Variants in PGR observed in about 807,000 individuals in gnomAD.
The protein encoded by PGR is progesterone receptor, also known as nuclear receptor subfamily 3 group C member 3.
PGR carries 25 observed loss-of-function variants against 76.1 expected under a neutral mutation model. That is an observed-to-expected ratio of 0.33 (90% confidence interval 0.24 to 0.46). The LOEUF (loss-of-function observed/expected upper bound fraction) is 0.46. Ranked by LOEUF, PGR falls within the 20% of genes least tolerant of loss-of-function variation. The pLI is 1.00. For synonymous variants in PGR, 579 were observed against 535.0 expected, an observed-to-expected ratio of 1.08 and a Z score of -1.14; for missense variants, 1,172 against 1,225.3, an observed-to-expected ratio of 0.96 and a Z score of 0.65.
chr11:101,040,721 G>A (rs1171755409), intron 7 of PGR, among the ~76,000 whole-genome samples: 6 of 151,808 alleles, frequency 4.0e-5, no homozygotes, highest in African/African-American at 7.3e-5. Flanking sequence ...TTACAATAAT[G>A]TACCTTAGTT....
intron 3 of PGR, among the ~76,000 whole-genome samples, chr11:101,074,851 A>G (rs1371168439): frequency 6.6e-6 from 1 of 152,184 alleles, no homozygotes; most frequent in Non-Finnish European, 1.5e-5. Context: ...AAAACACTCT[A>G]TGCTCATGGA....
chr11:101,089,319 G>C (rs542815582), intron 3 of PGR, among the ~76,000 whole-genome samples: 4 of 152,166 alleles, frequency 2.6e-5, no homozygotes, highest in Non-Finnish European at 4.4e-5. Flanking sequence ...AAATAGTTAA[G>C]AATGTATATT....
intron 2 of PGR, among the ~76,000 whole-genome samples, chr11:101,108,272 C>G (rs1341700551): frequency 6.9e-5 from 10 of 145,550 alleles, no homozygotes; most frequent in African/African-American, 2.6e-4. Flanking sequence ...AAAAAATGAG[C>G]CTAGGCAAGG....
chr11:101,074,146 T>A (rs889124139), intron 3 of PGR, among the ~76,000 whole-genome samples: 2 of 152,126 alleles, frequency 1.3e-5, no homozygotes, highest in African/African-American at 4.8e-5. Flanking sequence ...GTCAGTTTCA[T>A]CCCTGAGATG....
chr11:101,110,070 T>C (rs539634069), intron 2 of PGR, among the ~76,000 whole-genome samples: 2 of 152,256 alleles, frequency 1.3e-5, no homozygotes, highest in South Asian at 4.1e-4. Flanking sequence ...TGAGACCTAC[T>C]GCTTAGAAAA....
At chr11:101,040,759 C>A (rs1012212096) in intron 7 of PGR, among the ~76,000 whole-genome samples, 2 of 151,944 alleles carry the variant, frequency 1.3e-5, no homozygotes, top group Admixed American at 6.6e-5. Flanking sequence ...TACACCGGAC[C>A]CTTTTTGTTA....
chr11:101,080,332 A>G (rs950524983), intron 3 of PGR, among the ~76,000 whole-genome samples: 1 of 152,154 alleles, frequency 6.6e-6, no homozygotes, highest in Non-Finnish European at 1.5e-5. Context: ...ACCTGCTGAA[A>G]GAAGCACATA....
intron 3 of PGR, among the ~76,000 whole-genome samples, chr11:101,079,111 A>G (rs1356375232): frequency 6.6e-6 from 1 of 152,170 alleles, no homozygotes; most frequent in Admixed American, 6.5e-5. Flanking sequence ...ACTATCACTC[A>G]CCACATACGA....
chr11:101,066,511 T>A (rs1332503694), intron 3 of PGR, among the ~76,000 whole-genome samples: 1 of 152,172 alleles, frequency 6.6e-6, no homozygotes, highest in Non-Finnish European at 1.5e-5. Flanking sequence ...GTCTCTAATA[T>A]CATCTAGACA....
At chr11:101,121,257 T>C (rs1862666422) in intron 2 of PGR, among the ~76,000 whole-genome samples, 2 of 152,210 alleles carry the variant, frequency 1.3e-5, no homozygotes, top group Admixed American at 6.5e-5. Flanking sequence ...TGGCAAAATA[T>C]CTTCTCAGAG....
intron 3 of PGR, among the ~76,000 whole-genome samples, chr11:101,068,143 G>T (rs965918591): frequency 6.6e-6 from 1 of 151,960 alleles, no homozygotes; most frequent in Non-Finnish European, 1.5e-5. Flanking sequence ...ATTTTTTTAT[G>T]AATAAAATAT....
chr11:101,053,678 CCCT>C (rs1412561922), intron 4 of PGR, among the ~76,000 whole-genome samples: 1 of 147,988 alleles, frequency 6.8e-6, no homozygotes, highest in Non-Finnish European at 1.5e-5. Context: ...TTCCCCTTCT[CCCT>C]CCTTTCTTCT....
intron 2 of PGR, among the ~76,000 whole-genome samples, chr11:101,117,403 ATTTACATATATG>A (rs907299381): frequency 6.6e-6 from 1 of 151,840 alleles, no homozygotes; most frequent in African/African-American, 2.4e-5. Context: ...TTTCCTTTTG[ATTTACATATATG>A]TTACAGTTTC....
At chr11:101,123,917 T>G (rs1862758926) in intron 2 of PGR, among the ~76,000 whole-genome samples, 1 of 152,230 alleles carries the variant, frequency 6.6e-6, no homozygotes, top group Non-Finnish European at 1.5e-5. Context: ...TGATAATATG[T>G]CAGGCCTTCT....
chr11:101,117,571 T>C (rs1305198635), intron 2 of PGR, among the ~76,000 whole-genome samples: 1 of 152,084 alleles, frequency 6.6e-6, no homozygotes, highest in Non-Finnish European at 1.5e-5. Context: ...TATAAATACA[T>C]ACCTCCATCA....
chr11:101,127,413 T>C (rs1283699879), intron 1 of PGR, 21 bp downstream of exon 1: 1 of 1,518,290 alleles, frequency 6.6e-7, no homozygotes, highest in Non-Finnish European at 8.8e-7. Context: ...GCGCTGGGCG[T>C]GCCCCGTCCC....
intron 3 of PGR, among the ~76,000 whole-genome samples, chr11:101,086,729 A>G (rs1295741688): frequency 1.3e-5 from 2 of 152,238 alleles, no homozygotes; most frequent in African/African-American, 4.8e-5. Flanking sequence ...AAATGACTTC[A>G]GTAAAGTTTC....
chr11:101,030,037 T>C lies in PGR; in HGVS notation c.*9079A>G. The C allele has an allele frequency of 4.6e-6, 1 of 219,728 alleles. No individual in the cohort carries two copies. The highest frequency in any genetic ancestry group is 6.7e-5 in the East Asian group (1 of 14,910). The allele number at this position is 219,728 out of a possible 1,614,324, so 13.6% of individuals were successfully genotyped here. On this transcript the variant is annotated 3_prime_UTR_variant, in exon 8 of 8. Transcript: ENST00000325455. ...ACATACTCTCAAATGTCTTTCCCAC[T>C]CAGAAATGAGGAGCAAGGTGTATGA...
At chr11:101,102,002 T>C (rs760012919) in intron 2 of PGR, among the ~76,000 whole-genome samples, 1 of 152,102 alleles carries the variant, frequency 6.6e-6, no homozygotes, top group African/African-American at 2.4e-5. Context: ...TTAACTGGCA[T>C]ATAATTATGT....
Sources: allele counts gnomAD v4.1 joint callset (sites outside exome capture counted in the v4.1 genomes callset), GRCh38; gene constraint gnomAD v4.1.1; transcripts MANE v1.5; gene names NCBI Gene and HGNC (gene_info 2026-07-23, HGNC 2026-07-21).